TENM1: variants seen among roughly 807,000 people sequenced by gnomAD.
The protein encoded by TENM1 is teneurin-1.
A neutral mutation model predicts 174.8 loss-of-function variants in TENM1; 35 were observed. The observed-to-expected ratio is 0.20, with a 90% CI of 0.15 to 0.27. The LOEUF is 0.27. Among genes scored for constraint, TENM1 ranks in the 10% least tolerant of loss-of-function variants. The pLI is 1.00. For missense variants in TENM1, 1,633 were observed against 2,130.1 expected (o/e 0.77, Z 4.59); for synonymous variants, 781 against 798.7 (o/e 0.98, Z 0.37).
At chrX:124,849,022 G>T (rs182829658) in intron 3 of TENM1, among the ~76,000 whole-genome samples, 2 of 111,009 alleles carry the variant, frequency 1.8e-5, no homozygotes, top group East Asian at 5.7e-4. Flanking sequence ...TGTTACTTAC[G>T]TAATTAATAT....
intron 3 of TENM1, among the ~76,000 whole-genome samples, chrX:124,867,755 A>G (rs1398034816): frequency 8.9e-6 from 1 of 112,429 alleles, no homozygotes; most frequent in African/African-American, 3.2e-5. Flanking sequence ...CTCCACAAGA[A>G]AACTATCAGA....
chrX:124,583,374 T>G (rs1165215082), intron 11 of TENM1, among the ~76,000 whole-genome samples: 1,166 of 111,654 alleles, frequency 0.01, 21 homozygotes, highest in African/African-American at 0.036. Context: ...CATTCACGGT[T>G]CATGAAAATC....
the TENM1 span, among the ~76,000 whole-genome samples, chrX:124,982,889 G>A: frequency 1.8e-5 from 2 of 112,213 alleles, no homozygotes; most frequent in Non-Finnish European, 3.8e-5. Flanking sequence ...ACAGAAGAAT[G>A]AGAAGCAGAA....
At position 124,686,281 on chromosome X, in the gene TENM1, T is replaced by C. The variant is rs150951804; in HGVS notation, c.1016-14446A>G. 1.0e-3 allele frequency among the ~76,000 whole-genome samples: 111 copies of C among 111,175 alleles called. 1 individual carries two copies. In the East Asian group the frequency reaches 0.029, roughly 29 times the overall value. On this transcript the variant is annotated intron_variant, in intron 5 of 31. Transcript: ENST00000422452. ...CTGTTCTTCAGAAATTCAGGAGAAA[T>C]AAAGGCCTTTCCAGACAAACAAAAG...
intron 23 of TENM1, among the ~76,000 whole-genome samples, chrX:124,428,069 T>C (rs143981032): frequency 0.012 from 1,298 of 112,060 alleles, 2 homozygotes; most frequent in Non-Finnish European, 0.019. Flanking sequence ...CTTGTAAAAA[T>C]ACATTAATTT....
At chrX:124,463,940 CTTGTT>C (rs2061213322) in intron 22 of TENM1, among the ~76,000 whole-genome samples, 1 of 106,642 alleles carries the variant, frequency 9.4e-6, no homozygotes, top group Non-Finnish European at 1.9e-5. Context: ...ATGCACATGT[CTTGTT>C]TTATTTTTGT....
chrX:124,406,349 G>A lies in TENM1; in HGVS notation c.5123C>T (p.Thr1708Met), dbSNP rs377115628. Residue 1708 changes from threonine to methionine, a missense_variant, in exon 26 of 32, where the codon ACG becomes ATG. Transcript: ENST00000422452. The stretch of plus-strand genomic sequence containing the variant: ...TAAAATATATATGGTACTAGTTGCC[G>A]TCAAGTTGGTTGACATGAGGACATT... 26 of 1,207,252 alleles carry A rather than the reference G, an allele frequency of 2.2e-5. No homozygotes were observed. Among genetic ancestry groups the A allele is most frequent in the East Asian group, 5.9e-5 (2 of 33,743 alleles).
At position 124,392,041 on chromosome X, in the gene TENM1, T is replaced by C. The variant is rs2060287237; in HGVS notation, c.5688+11A>G. ...AAACTTGAAACTTGTCTTTTTCCCC[T>C]ATGTACTTACTTTTTCTAAGTAGGT... On this transcript the variant is annotated intron_variant, in intron 28 of 31. Transcript: ENST00000422452. 2 of 1,183,100 alleles carry C rather than the reference T, an allele frequency of 1.7e-6. No homozygotes were observed. Among genetic ancestry groups the C allele is most frequent in the Non-Finnish European group, 2.3e-6 (2 of 878,306 alleles).
At chrX:124,687,335 G>T (rs1313786255) in intron 5 of TENM1, among the ~76,000 whole-genome samples, 1 of 111,657 alleles carries the variant, frequency 9.0e-6, no homozygotes, top group African/African-American at 3.3e-5. Flanking sequence ...AATGGGGAAA[G>T]GATTCCCTAT....
chrX:124,753,759 G>A (rs1173474282), intron 3 of TENM1, among the ~76,000 whole-genome samples: 3 of 111,648 alleles, frequency 2.7e-5, no homozygotes, highest in Non-Finnish European at 3.8e-5. Flanking sequence ...TGTGATTTTT[G>A]TCTTTGGTTC....
intron 22 of TENM1, among the ~76,000 whole-genome samples, chrX:124,456,352 G>A (rs1569532585): frequency 1.8e-5 from 2 of 112,065 alleles, no homozygotes; most frequent in Non-Finnish European, 3.8e-5. Context: ...AGGAAACTAT[G>A]TGATAGGTGC....
chrX:125,042,604 T>C, the TENM1 span, among the ~76,000 whole-genome samples: 1 of 111,338 alleles, frequency 9.0e-6, no homozygotes. Flanking sequence ...ATGGACCTCT[T>C]TGAACAAAAA....
chrX:124,402,732 A>G (rs111803300), intron 27 of TENM1, among the ~76,000 whole-genome samples: 81 of 111,710 alleles, frequency 7.3e-4, no homozygotes, highest in African/African-American at 2.4e-3. Flanking sequence ...AGTTTTTTTG[A>G]GGCTATATGC....
intron 5 of TENM1, among the ~76,000 whole-genome samples, chrX:124,701,646 G>C (rs1222782342): frequency 8.9e-6 from 1 of 112,305 alleles, no homozygotes; most frequent in Non-Finnish European, 1.9e-5. Context: ...AGATTTACGA[G>C]GAAGTGATGA....
At position 124,940,738 on chromosome X, in the gene TENM1, C is replaced by T. The variant is rs748776829; in HGVS notation, c.217+22799G>A. On this transcript the variant is annotated intron_variant, in intron 1 of 31. Coordinates refer to ENST00000422452, the Ensembl canonical transcript of TENM1. ...TACTTAACATAGACAGCAGATGCTA[C>T]GAGACATGACACATTCCCTCAATTA... is the stretch of plus-strand genomic sequence containing the variant. 2.3e-4 allele frequency among the ~76,000 whole-genome samples: 26 copies of T among 111,332 alleles called. 1 individual carries two copies. Among genetic ancestry groups the T allele is most frequent in the Admixed American group, 1.6e-3 (17 of 10,429 alleles).
At chrX:125,003,282 A>C in the TENM1 span, among the ~76,000 whole-genome samples, 2 of 111,839 alleles carry the variant, frequency 1.8e-5, no homozygotes, top group African/African-American at 6.5e-5. Context: ...AAAAAGTGAA[A>C]TATGATCAAC....
At chrX:124,617,502 C>T (rs2050423438) in intron 11 of TENM1, among the ~76,000 whole-genome samples, 1 of 111,750 alleles carries the variant, frequency 8.9e-6, no homozygotes, top group African/African-American at 3.2e-5. Context: ...TATCAAGCAG[C>T]AAATGATCAA....
chrX:124,977,086 G>A, the TENM1 span, among the ~76,000 whole-genome samples: 15 of 111,803 alleles, frequency 1.3e-4, no homozygotes, highest in Non-Finnish European at 2.4e-4. Context: ...CAGGAAGTCT[G>A]AGCTTGGGCC....
intron 1 of TENM1, among the ~76,000 whole-genome samples, chrX:124,900,173 A>G (rs993065813): frequency 5.3e-5 from 6 of 112,344 alleles, no homozygotes; most frequent in African/African-American, 1.9e-4. Context: ...TGGATAATCC[A>G]CCTGTGGTAT....
Sources: allele counts gnomAD v4.1 joint callset (sites outside exome capture counted in the v4.1 genomes callset), GRCh38; gene constraint gnomAD v4.1.1; transcripts MANE v1.5; gene names NCBI Gene and HGNC (gene_info 2026-07-23, HGNC 2026-07-21).